Variants in CYTH1 observed in about 807,000 individuals in gnomAD.
The protein encoded by CYTH1 is cytohesin-1.
A neutral mutation model predicts 61.8 loss-of-function variants in CYTH1; 18 were observed. The observed-to-expected ratio is 0.29, with a 90% CI of 0.20 to 0.43. The LOEUF is 0.43. Among genes scored for constraint, CYTH1 ranks in the 20% least tolerant of loss-of-function variants. CYTH1 has a pLI of 1.00. For missense variants in CYTH1, 336 were observed against 510.5 expected, an observed-to-expected ratio of 0.66 and a Z score of 3.29; for synonymous variants, 174 against 184.3, an observed-to-expected ratio of 0.94 and a Z score of 0.45.
intron 1 of CYTH1, among the ~76,000 whole-genome samples, chr17:78,760,485 GTATATATATATACATATATA>G (rs2093421880): frequency 3.4e-4 from 11 of 32,700 alleles, no homozygotes; most frequent in African/African-American, 1.1e-3. Context: ...ATATATGTAT[GTATATATATATACATATATA>G]TGTATATATA....
intron 1 of CYTH1, among the ~76,000 whole-genome samples, chr17:78,734,432 CTTTTTTT>C (rs10557033): frequency 2.6e-4 from 16 of 62,712 alleles, no homozygotes; most frequent in East Asian, 1.5e-3. Context: ...TAAAAAAAAG[CTTTTTTT>C]TTTTTTTTTT....
chr17:78,760,509 A>G (rs187246987), intron 1 of CYTH1, among the ~76,000 whole-genome samples: 3 of 45,930 alleles, frequency 6.5e-5, no homozygotes, highest in African/African-American at 3.7e-4. Context: ...ATATATATGT[A>G]TATATATGTA....
Position 78,701,808 on chromosome 17 carries a change from G to C in CYTH1, c.357-57C>G, listed in dbSNP as rs1246173422. The C allele has an allele frequency of 1.2e-5, 18 of 1,562,224 alleles. No individual in the cohort carries two copies. The East Asian group carries it at 4.0e-4, about 35-fold the overall frequency. On this transcript the variant is annotated intron_variant, in intron 5 of 13. Coordinates refer to ENST00000446868, the MANE Select transcript of CYTH1 (RefSeq NM_004762.6). ...AGCAGGAGTCAGGCACCAACACTGAGAATCTCCAGCCAGGCCATGTCTCCT... is the reference window on the plus strand; with the variant it reads ...AGCAGGAGTCAGGCACCAACACTGACAATCTCCAGCCAGGCCATGTCTCCT...
intron 1 of CYTH1, among the ~76,000 whole-genome samples, chr17:78,721,979 G>A (rs926031256): frequency 4.6e-5 from 7 of 151,988 alleles, no homozygotes; most frequent in African/African-American, 1.4e-4. Flanking sequence ...CCTGGGAGGC[G>A]GAGGGTGCAG....
intron 1 of CYTH1, among the ~76,000 whole-genome samples, chr17:78,781,662 C>G (rs964062338): frequency 6.6e-6 from 1 of 152,132 alleles, no homozygotes; most frequent in African/African-American, 2.4e-5. Flanking sequence ...AGACGTGGAC[C>G]GGGCACAACT....
At chr17:78,742,931 T>C (rs920723548) in intron 1 of CYTH1, among the ~76,000 whole-genome samples, 19 of 152,212 alleles carry the variant, frequency 1.2e-4, no homozygotes, top group South Asian at 2.1e-4. Flanking sequence ...TGGATTATCA[T>C]TTAAAACACA....
Position 78,755,827 on chromosome 17 carries a change from C to T in CYTH1, c.22+26375G>A, listed in dbSNP as rs559765455. Among the ~76,000 whole-genome samples the T allele has an allele frequency of 4.0e-5, 6 of 151,726 alleles. No individual in the cohort carries two copies. In the South Asian group the frequency reaches 1.2e-3, roughly 32 times the overall value. ...TTGGGAGGCTGAGGTGGAAGGACTG[C>T]TTGAGCCCAAGAGGTTGAGGTTGCA... On this transcript the variant is annotated intron_variant, in intron 1 of 13. Transcript: ENST00000446868.
intron 11 of CYTH1, among the ~76,000 whole-genome samples, chr17:78,686,831 G>C (rs1174158888): frequency 1.3e-5 from 2 of 152,070 alleles, no homozygotes; most frequent in Non-Finnish European, 2.9e-5. Flanking sequence ...GCCCAGGCTG[G>C]AGTGCAATGG....
chr17:78,725,399 G>T (rs1172459288), intron 1 of CYTH1, among the ~76,000 whole-genome samples: 1 of 152,160 alleles, frequency 6.6e-6, no homozygotes, highest in African/African-American at 2.4e-5. Flanking sequence ...GTTTCCCAGG[G>T]ATTTCATGTG....
intron 11 of CYTH1, among the ~76,000 whole-genome samples, chr17:78,689,965 TC>T (rs2092861857): frequency 6.6e-6 from 1 of 152,054 alleles, no homozygotes. Context: ...CACCGCTGCT[TC>T]CGCTGCTGCC....
At chr17:78,726,236 G>T (rs1227401803) in intron 1 of CYTH1, among the ~76,000 whole-genome samples, 1 of 152,020 alleles carries the variant, frequency 6.6e-6, no homozygotes, top group East Asian at 1.9e-4. Context: ...AGTAGAGACA[G>T]GTTTTCACCA....
intron 1 of CYTH1, among the ~76,000 whole-genome samples, chr17:78,733,502 G>A (rs1373080635): frequency 6.6e-6 from 1 of 151,964 alleles, no homozygotes; most frequent in Non-Finnish European, 1.5e-5. Context: ...TCAGCTCAGC[G>A]TTTACTGAGC....
At chr17:78,760,372 TATATATATATATACAC>T (rs1255772084) in intron 1 of CYTH1, among the ~76,000 whole-genome samples, 7 of 63,164 alleles carry the variant, frequency 1.1e-4, no homozygotes, top group Admixed American at 5.6e-4. Flanking sequence ...TATATATATA[TATATATATATATACAC>T]ACACATACAT....
chr17:78,693,126 C>T (rs1173592624), intron 10 of CYTH1, among the ~76,000 whole-genome samples: 1 of 152,160 alleles, frequency 6.6e-6, no homozygotes, highest in East Asian at 1.9e-4. Context: ...GGGTGAGAAT[C>T]AAAGCAGAAT....
At chr17:78,714,032 G>A (rs2093160121) in intron 1 of CYTH1, among the ~76,000 whole-genome samples, 2 of 152,166 alleles carry the variant, frequency 1.3e-5, no homozygotes, top group Admixed American at 6.5e-5. Context: ...GTCCACGCCT[G>A]TAATCCTAGC....
At chr17:78,772,554 T>A (rs1293665264) in intron 1 of CYTH1, among the ~76,000 whole-genome samples, 4 of 152,218 alleles carry the variant, frequency 2.6e-5, no homozygotes, top group Admixed American at 6.5e-5. Context: ...GTTTTTGTTT[T>A]TTGAGATGGA....
intron 11 of CYTH1, among the ~76,000 whole-genome samples, chr17:78,682,569 G>A (rs952549486): frequency 9.2e-5 from 14 of 151,748 alleles, no homozygotes; most frequent in African/African-American, 3.4e-4. Flanking sequence ...CCAGCATCCT[G>A]AGAAAGGGTG....
chr17:78,738,895 G>C (rs1002299889), intron 1 of CYTH1, among the ~76,000 whole-genome samples: 1 of 152,230 alleles, frequency 6.6e-6, no homozygotes, highest in Non-Finnish European at 1.5e-5. Context: ...CCCAAAGGCA[G>C]AAAAGCTGGT....
chr17:78,702,898 T>C (rs1023675325), intron 3 of CYTH1, among the ~76,000 whole-genome samples: 12 of 152,080 alleles, frequency 7.9e-5, no homozygotes, highest in Non-Finnish European at 1.8e-4. Context: ...CTCGGCTCAT[T>C]GCAACCTCTG....
Sources: allele counts gnomAD v4.1 joint callset (sites outside exome capture counted in the v4.1 genomes callset), GRCh38; gene constraint gnomAD v4.1.1; transcripts MANE v1.5; gene names NCBI Gene and HGNC (gene_info 2026-07-23, HGNC 2026-07-21).